The following LIPK variants were observed in gnomAD, a reference collection of about 807,000 sequenced individuals.
LIPK encodes the protein lipase member K.
A neutral mutation model predicts 48.6 loss-of-function variants in LIPK; 32 were observed. That is an observed-to-expected ratio of 0.66 (90% CI 0.50 to 0.88). The LOEUF (loss-of-function observed/expected upper bound fraction) is 0.88. Among genes scored for constraint, LIPK ranks in the 40% least tolerant of loss-of-function variants. The pLI, the probability that LIPK is intolerant of heterozygous loss-of-function variation, is 0.00. For missense variants in LIPK, 507 were observed against 478.5 expected (o/e 1.06, Z -0.56); for synonymous variants, 164 against 157.4 (o/e 1.04, Z -0.32).
intron 3 of LIPK, among the ~76,000 whole-genome samples, chr10:88,730,569 G>A (rs1194405266): frequency 6.6e-6 from 1 of 152,166 alleles, no homozygotes; most frequent in Non-Finnish European, 1.5e-5. Flanking sequence ...GATTATAGGC[G>A]TGAGCCACCG....
chr10:88,743,215 T>A, intron 8 of LIPK, 35 bp from the exon 9 acceptor site: 1 of 1,434,430 alleles, frequency 7.0e-7, no homozygotes, highest in Non-Finnish European at 9.6e-7. Flanking sequence ...TACACTATTT[T>A]CTTATATTAT....
chr10:88,739,367 A>C (rs948720509), intron 7 of LIPK, among the ~76,000 whole-genome samples: 3 of 152,056 alleles, frequency 2.0e-5, no homozygotes, highest in African/African-American at 7.2e-5. Flanking sequence ...AATCCCCTAT[A>C]CCCTTGAACC....
Position 88,738,149 on chromosome 10 carries a change from A to G in LIPK, c.816+368A>G, listed in dbSNP as rs187338003. 2.5e-3 allele frequency among the ~76,000 whole-genome samples: 385 copies of G among 152,222 alleles called. 4 individuals are homozygous for G. Among genetic ancestry groups the G allele is most frequent in the Middle Eastern group, 6.8e-3 (2 of 294 alleles). Reference sequence around the variant, plus strand: ...ATTTGTTTACCAATTTTCCACTTTCACAGTTGATTTGGAAAGTTATTTTGT... The same window carrying G: ...ATTTGTTTACCAATTTTCCACTTTCGCAGTTGATTTGGAAAGTTATTTTGT... On this transcript the variant is annotated intron_variant, in intron 7 of 9. Coordinates refer to ENST00000404190, the MANE Select transcript of LIPK (RefSeq NM_001080518.2).
chr10:88,726,469 T>A (rs1564979834), intron 2 of LIPK, among the ~76,000 whole-genome samples: 1 of 152,216 alleles, frequency 6.6e-6, no homozygotes, highest in African/African-American at 2.4e-5. Context: ...GGGGAACGAA[T>A]GCCTTGAGCT....
At chr10:88,732,107 G>A (rs952281860) in intron 4 of LIPK, 71 bp from the exon 5 acceptor site, 2 of 961,614 alleles carry the variant, frequency 2.1e-6, no homozygotes, top group African/African-American at 1.6e-5. Context: ...TGTCTTCACT[G>A]AACGTGTTTA....
At chr10:88,747,625 A>G (rs1842787574) in intron 9 of LIPK, among the ~76,000 whole-genome samples, 1 of 152,172 alleles carries the variant, frequency 6.6e-6, no homozygotes, top group Non-Finnish European at 1.5e-5. Context: ...CCTCAAAATA[A>G]TAAAAGCCAT....
rs180961175 is a variant in LIPK, at chr10:88,727,946, G to A, written c.223+1034G>A. 1.5e-3 allele frequency: 547 copies of A among 363,894 alleles called. 3 individuals are homozygous for A. The highest frequency in any genetic ancestry group is 2.3e-3 in the Non-Finnish European group (418 of 183,852). The allele number at this position is 363,894 out of a possible 1,614,324, so 22.5% of individuals were successfully genotyped here. A position where few individuals can be genotyped will look rare whatever the true frequency, so the allele number is the denominator to read the frequency against. On this transcript the variant is annotated intron_variant, in intron 3 of 9. Transcript: ENST00000404190. ...TGGGAGAACGTGGACAACATGGAGA[G>A]CTGCATCAACAACTTTCTGCGGCAG... is the stretch of plus-strand genomic sequence containing the variant.
At chr10:88,727,900 C>A (rs1842377256) in intron 3 of LIPK, 1 of 367,458 alleles carries the variant, frequency 2.7e-6, no homozygotes, top group Non-Finnish European at 5.3e-6. Context: ...CCATGTGGAG[C>A]CTGCAGCAGC....
At chr10:88,750,015 T>G (rs890841275) in intron 9 of LIPK, among the ~76,000 whole-genome samples, 12 of 152,098 alleles carry the variant, frequency 7.9e-5, no homozygotes, top group African/African-American at 2.7e-4. Flanking sequence ...CAAACACTTC[T>G]CAAAAGAAGA....
At chr10:88,738,432 A>G (rs1040555180) in intron 7 of LIPK, among the ~76,000 whole-genome samples, 4 of 152,232 alleles carry the variant, frequency 2.6e-5, no homozygotes, top group African/African-American at 9.6e-5. Flanking sequence ...ACTTCTGCCC[A>G]GAGCCTACTC....
At chr10:88,718,177 A>G (rs1165456030) in intron 1 of LIPK, among the ~76,000 whole-genome samples, 1 of 151,372 alleles carries the variant, frequency 6.6e-6, no homozygotes, top group Non-Finnish European at 1.5e-5. Flanking sequence ...GAAAAGATGA[A>G]ACAAAAAATG....
chr10:88,752,386 T>C (rs1465503713), intron 9 of LIPK, 131 bp from the exon 10 acceptor site: 54 of 621,544 alleles, frequency 8.7e-5, no homozygotes, highest in Non-Finnish European at 8.9e-5. Flanking sequence ...TTAATGTTTA[T>C]ATACCATTAA....
rs1299893299 is a variant in LIPK at position 88,721,231 on chromosome 10, G to A, written c.-11-3302G>A. 2.0e-5 allele frequency among the ~76,000 whole-genome samples: 3 copies of A among 152,122 alleles called. No individual in the cohort carries two copies. In the South Asian group the frequency reaches 6.2e-4, roughly 32 times the overall value. ...AGCAGAATGTCGATGTGGGACACATGAGAAGGCAATATTCATCAGGGAGCT... is the reference window on the plus strand; with the variant it reads ...AGCAGAATGTCGATGTGGGACACATAAGAAGGCAATATTCATCAGGGAGCT... On this transcript the variant is annotated intron_variant, in intron 1 of 9. Coordinates refer to ENST00000404190, the MANE Select transcript of LIPK (RefSeq NM_001080518.2).
At chr10:88,717,550 G>A (rs1255792338) in intron 1 of LIPK, among the ~76,000 whole-genome samples, 1 of 152,088 alleles carries the variant, frequency 6.6e-6, no homozygotes, top group Admixed American at 6.6e-5. Context: ...CTGTTTTTCG[G>A]ACTCTTTTTC....
intron 1 of LIPK, among the ~76,000 whole-genome samples, chr10:88,714,432 G>A (rs1252938556): frequency 6.6e-6 from 1 of 152,128 alleles, no homozygotes; most frequent in Admixed American, 6.5e-5. Flanking sequence ...AACAACTTCA[G>A]TGTTATAACT....
chr10:88,725,484 C>T (rs1275284701), intron 2 of LIPK, among the ~76,000 whole-genome samples: 1 of 152,252 alleles, frequency 6.6e-6, no homozygotes, highest in East Asian at 1.9e-4. Flanking sequence ...AGCCTGGGCT[C>T]TTCACCATTG....
At chr10:88,712,800 G>T (rs903352219) in intron 1 of LIPK, among the ~76,000 whole-genome samples, 7 of 152,122 alleles carry the variant, frequency 4.6e-5, no homozygotes, top group African/African-American at 1.7e-4. Context: ...CTGTTACCAT[G>T]GGAAGAAGAG....
chr10:88,728,612 G>T, intron 3 of LIPK: 1 of 483,366 alleles, frequency 2.1e-6, no homozygotes. Flanking sequence ...ATGTCAAGCT[G>T]GCCTTGGGCA....
At chr10:88,730,105 A>G (rs902362564) in intron 3 of LIPK, among the ~76,000 whole-genome samples, 1 of 152,170 alleles carries the variant, frequency 6.6e-6, no homozygotes, top group Admixed American at 6.5e-5. Flanking sequence ...CAGTGCCTAT[A>G]AAACTTAGCA....
Sources: gnomAD v4.1 joint callset for allele counts (sites outside exome capture counted in the v4.1 genomes callset) on GRCh38, gnomAD v4.1.1 for gene constraint, MANE v1.5 for transcripts, NCBI Gene and HGNC (gene_info 2026-07-23, HGNC 2026-07-21) for gene names.